The following SLC24A1 variants were observed in gnomAD, a reference collection of about 807,000 sequenced individuals.
SLC24A1 encodes the protein sodium/potassium/calcium exchanger 1.
SLC24A1 carries 52 observed loss-of-function variants against 88.1 expected under a neutral mutation model. The observed-to-expected ratio is 0.59, with a 90% CI of 0.47 to 0.74. SLC24A1 has a LOEUF of 0.74. Ranked by LOEUF, SLC24A1 falls within the 30% of genes least tolerant of loss-of-function variation. The probability of loss-of-function intolerance (pLI) is 0.00; values close to 1 mark genes in which losing one functional copy is unlikely to be tolerated. For synonymous variants in SLC24A1, 455 were observed against 498.0 expected, an observed-to-expected ratio of 0.91 and a Z score of 1.15; for missense variants, 1,173 against 1,363.3, an observed-to-expected ratio of 0.86 and a Z score of 2.20.
intron 2 of SLC24A1, among the ~76,000 whole-genome samples, chr15:65,633,211 C>G (rs906302319): frequency 6.6e-6 from 1 of 152,164 alleles, no homozygotes; most frequent in East Asian, 1.9e-4. Context: ...CCTGGAAAGG[C>G]GGCTAGTCTG....
rs757090387 is a variant in SLC24A1 at position 65,638,091 on chromosome 15, C to T, written c.1891-37C>T. The T allele has an allele frequency of 1.2e-5, 18 of 1,525,814 alleles. No individual in the cohort carries two copies. The East Asian group carries it at 2.3e-4, about 19-fold the overall frequency. The allele number at this position is 1,525,814 out of a possible 1,614,324, so 94.5% of individuals were successfully genotyped here. On this transcript the variant is annotated intron_variant, in intron 2 of 9. Transcript: ENST00000261892. ...GGATGTAGGGAGAAAGTGAGGGTCT[C>T]GCCACAACATCTCGTGACTCCTCTC...
chr15:65,652,586 A>G lies in SLC24A1; in HGVS notation c.2884-56A>G, dbSNP rs1212156966. 3.9e-6 allele frequency: 6 copies of G among 1,526,602 alleles called. No individual in the cohort carries two copies. The East Asian group carries it at 9.1e-5, about 23-fold the overall frequency. The allele number at this position is 1,526,602 out of a possible 1,614,324, so 94.6% of individuals were successfully genotyped here. A position where few individuals can be genotyped will look rare whatever the true frequency, so the allele number is the denominator to read the frequency against. ...TGTTTGCACAAAGTAGGATGTGGATAGTGCTTGGATGTGCCTCAGGTTTTT... is the reference window on the plus strand; with the variant it reads ...TGTTTGCACAAAGTAGGATGTGGATGGTGCTTGGATGTGCCTCAGGTTTTT... On this transcript the variant is annotated intron_variant, in intron 8 of 9. Coordinates refer to ENST00000261892, the MANE Select transcript of SLC24A1 (RefSeq NM_004727.3).
chr15:65,624,275 G>T lies in SLC24A1; in HGVS notation c.195G>T (p.Arg65=). The part of the protein sequence containing the change: ...SSHQPIKLAS[R]DLSSEEMMMM... ...ATCAGCCTATAAAACTGGCCAGTCG[G>T]GACCTCTCCAGTGAAGAGATGATGA... The change falls in exon 2 of 10, where the codon CGG becomes CGT. Residue 65 remains arginine (R), a synonymous_variant. Transcript: ENST00000261892. 1 of 1,613,780 alleles carries T rather than the reference G, an allele frequency of 6.2e-7. No individual in the cohort carries two copies. Among genetic ancestry groups the T allele is most frequent in the Non-Finnish European group, 8.5e-7 (1 of 1,179,820 alleles).
At chr15:65,656,347 A>C, downstream of SLC24A1, 1 of 714,924 alleles carries the variant, frequency 1.4e-6, no homozygotes, top group Non-Finnish European at 1.7e-6. Context: ...ACAGAAAAGG[A>C]CAAGTACAAA....
At chr15:65,642,064 G>T (rs1361705738) in intron 4 of SLC24A1, among the ~76,000 whole-genome samples, 1 of 152,214 alleles carries the variant, frequency 6.6e-6, no homozygotes, top group Non-Finnish European at 1.5e-5. Flanking sequence ...CGTGACTGCA[G>T]ATGTCCTCTG....
Position 65,625,104 on chromosome 15 carries a change from G to A in SLC24A1, c.1024G>A (p.Ala342Thr), listed in dbSNP as rs2074460341. The A allele has an allele frequency of 1.9e-6, 3 of 1,613,480 alleles. No individual in the cohort carries two copies. The highest frequency in any genetic ancestry group is 2.5e-6 in the Non-Finnish European group (3 of 1,179,876). The change falls in exon 2 of 10, where the codon GCC (alanine) becomes ACC (threonine). Residue 342 changes from alanine (A) to threonine (T), a missense_variant. Transcript: ENST00000261892. ...SPAETKAFTAAWSLRNPSPRT... is the reference protein window; with the variant it reads ...SPAETKAFTATWSLRNPSPRT... ...AGCAGAAACCAAAGCCTTCACTGCT[G>A]CCTGGAGTCTTAGGAATCCTTCACC...
chr15:65,646,826 C>CA (rs2075316763), intron 6 of SLC24A1, among the ~76,000 whole-genome samples: 2 of 152,218 alleles, frequency 1.3e-5, no homozygotes, highest in Non-Finnish European at 2.9e-5. Context: ...CTTAAGCCAG[C>CA]AACTTTGGGT....
chr15:65,659,322 G>GT (rs869058369), downstream of SLC24A1: 6 of 71,600 alleles, frequency 8.4e-5, 1 homozygote, highest in East Asian at 6.9e-4. Flanking sequence ...ATATTTTCTG[G>GT]TTTTTTTTTT....
At position 65,650,394 on chromosome 15, in the gene SLC24A1, G is replaced by A; in HGVS notation, c.2245G>A (p.Glu749Lys). 2 of 1,551,118 alleles carry A rather than the reference G, an allele frequency of 1.3e-6. No homozygotes were observed. The highest frequency in any genetic ancestry group is 1.4e-5 in the African/African-American group (1 of 73,142). ...ENPGGQEDVAEAESTGEMPGE... is the reference protein window; with the variant it reads ...ENPGGQEDVAKAESTGEMPGE... ...TTTTGGATTGCAGGAAGATGTGGCTGAGGCCGAGAGCACAGGTGAAATGCC... is the reference window on the plus strand; with the variant it reads ...TTTTGGATTGCAGGAAGATGTGGCTAAGGCCGAGAGCACAGGTGAAATGCC... Residue 749 changes from glutamate to lysine, a missense_variant, in exon 7 of 10, where the codon GAG becomes AAG. Transcript: ENST00000261892. The surrounding 1 kb of genome is among the most constrained non-coding windows in gnomAD (Gnocchi z 4.1).
At chr15:65,644,133 A>G in intron 4 of SLC24A1, 1 of 381,042 alleles carries the variant, frequency 2.6e-6, no homozygotes, top group African/African-American at 2.0e-5. Flanking sequence ...CTTGGTCCTG[A>G]GTCCAACCAT....
chr15:65,642,734 C>T (rs2075170424), intron 4 of SLC24A1, among the ~76,000 whole-genome samples: 1 of 152,184 alleles, frequency 6.6e-6, no homozygotes, highest in Non-Finnish European at 1.5e-5. Context: ...AGTGGCTCTA[C>T]CCATGGAGCT....
At chr15:65,651,941 G>T (rs973285858) in intron 8 of SLC24A1, 182 bp downstream of exon 8, 2 of 625,518 alleles carry the variant, frequency 3.2e-6, no homozygotes, top group Non-Finnish European at 6.0e-6. Flanking sequence ...CTCAAGTGTG[G>T]CTTTTCTGTC....
At chr15:65,641,345 C>T (rs902217267) in intron 4 of SLC24A1, among the ~76,000 whole-genome samples, 4 of 151,460 alleles carry the variant, frequency 2.6e-5, no homozygotes, top group African/African-American at 4.9e-5. Flanking sequence ...GGTGACAGAG[C>T]GAGACCATCT....
Position 65,639,583 on chromosome 15 carries a change from C to A in SLC24A1, c.1945-12C>A. The A allele has an allele frequency of 6.3e-7, 1 of 1,591,208 alleles. No individual in the cohort carries two copies. The highest frequency in any genetic ancestry group is 1.3e-5 in the African/African-American group (1 of 74,408). ...GGACAGGGGCCCACTGTGCGGCTCT[C>A]CTCTTGCTCAGCTCCCGTCCTTGCT... On this transcript the variant is annotated splice_polypyrimidine_tract_variant and intron_variant, in intron 3 of 9. Transcript: ENST00000261892.
At chr15:65,635,475 A>G (rs1402009713) in intron 2 of SLC24A1, among the ~76,000 whole-genome samples, 1 of 146,906 alleles carries the variant, frequency 6.8e-6, no homozygotes, top group African/African-American at 2.5e-5. Flanking sequence ...AAAAAAGAAA[A>G]AAAAAGAAAG....
chr15:65,648,535 G>A (rs1285717128), intron 6 of SLC24A1, among the ~76,000 whole-genome samples: 1 of 151,382 alleles, frequency 6.6e-6, no homozygotes, highest in Non-Finnish European at 1.5e-5. Flanking sequence ...AGGCTGGAGT[G>A]CAGTGACACG....
intron 3 of SLC24A1, among the ~76,000 whole-genome samples, chr15:65,639,189 G>A (rs1385957333): frequency 1.3e-5 from 2 of 152,136 alleles, no homozygotes; most frequent in African/African-American, 2.4e-5. Context: ...GTGGGGCAAT[G>A]ATAAAACGTG....
intron 6 of SLC24A1, among the ~76,000 whole-genome samples, chr15:65,647,292 A>G (rs1488387928): frequency 6.6e-6 from 1 of 151,986 alleles, no homozygotes; most frequent in Non-Finnish European, 1.5e-5. Context: ...AGCCTGGCCA[A>G]CATGGTGAAA....
At position 65,656,071 on chromosome 15, in the gene SLC24A1, C is replaced by G. The variant is rs535421649; in HGVS notation, c.*1992C>G. The stretch of plus-strand genomic sequence containing the variant: ...GCTTGTGGGAGGGAGGTCCCAATAC[C>G]AAAATTCTGGGCACTAACCTGGTGT... On this transcript the variant is annotated 3_prime_UTR_variant, in exon 10 of 10. Transcript: ENST00000261892. 1.0e-6 allele frequency: 1 copy of G among 985,232 alleles called. No homozygotes were observed. Among genetic ancestry groups the G allele is most frequent in the Admixed American group, 6.2e-5 (1 of 16,256 alleles). 61.0% of individuals were successfully genotyped at this position (985,232 alleles called of 1,614,324 possible).
Sources: allele counts gnomAD v4.1 joint callset (sites outside exome capture counted in the v4.1 genomes callset), GRCh38; gene constraint gnomAD v4.1.1; non-coding constraint Gnocchi (gnomAD v3.1); transcripts MANE v1.5; gene names NCBI Gene and HGNC (gene_info 2026-07-23, HGNC 2026-07-21).